SMARCB1: variants seen among roughly 807,000 people sequenced by gnomAD.
SMARCB1 encodes the protein SWI/SNF related BAF chromatin remodeling complex subunit B1.
Under a neutral mutation model 49.0 loss-of-function variants are expected in SMARCB1, and 5 were observed. The ratio of observed to expected loss-of-function variants is 0.10; its 90% CI spans 0.05 to 0.21. The LOEUF (loss-of-function observed/expected upper bound fraction) is 0.21, where lower values mean the gene tolerates loss of function less well. SMARCB1 is among the 10% of genes least tolerant of loss of function. SMARCB1 has a pLI of 1.00. For synonymous variants in SMARCB1, 201 were observed against 200.1 expected (o/e 1.00, Z -0.04); for missense variants, 226 against 509.2 (o/e 0.44, Z 5.35).
chr22:23,833,718 G>A lies in SMARCB1; in HGVS notation c.1118+15G>A, dbSNP rs1166698221. Reference sequence around the variant, plus strand: ...AGGAACACGAGGTACCCCTGGCCCTGTGGTCCTGGGCTCTGCCCACAGGCA... The same window carrying A: ...AGGAACACGAGGTACCCCTGGCCCTATGGTCCTGGGCTCTGCCCACAGGCA... On this transcript the variant is annotated intron_variant, in intron 8 of 8. Coordinates refer to ENST00000644036, the MANE Select transcript of SMARCB1 (RefSeq NM_003073.5). 3 of 1,613,774 alleles carry A rather than the reference G, an allele frequency of 1.9e-6. No individual in the cohort carries two copies. The highest frequency in any genetic ancestry group is 2.5e-6 in the Non-Finnish European group (3 of 1,180,006).
intron 7 of SMARCB1, among the ~76,000 whole-genome samples, chr22:23,831,081 T>C (rs2030632903): frequency 6.6e-6 from 1 of 152,134 alleles, no homozygotes; most frequent in Non-Finnish European, 1.5e-5. Context: ...CTCCATTGAG[T>C]GGACTTGGCA....
At position 23,834,748 on chromosome 22, in the gene SMARCB1, G is replaced by T; in HGVS notation, c.*568G>T. 1 of 1,492,990 alleles carries T rather than the reference G, an allele frequency of 6.7e-7. No individual in the cohort carries two copies. Among genetic ancestry groups the T allele is most frequent in the East Asian group, 2.3e-5 (1 of 43,118 alleles). 92.5% of individuals were successfully genotyped at this position (1,492,990 alleles called of 1,614,324 possible). ...TCTCCTTCCAGACCCAGAGAGCTGAGAAGAGTAGCTGTGAGGCTCAGGGCA... is the reference window on the plus strand; with the variant it reads ...TCTCCTTCCAGACCCAGAGAGCTGATAAGAGTAGCTGTGAGGCTCAGGGCA... On this transcript the variant is annotated 3_prime_UTR_variant, in exon 9 of 9. Coordinates refer to ENST00000644036, the MANE Select transcript of SMARCB1 (RefSeq NM_003073.5).
At chr22:23,787,355 CGGGGCGGGCGGGCGCGCGCG>C in intron 1 of SMARCB1, 93 bp downstream of exon 1, 2 of 585,864 alleles carry the variant, frequency 3.4e-6, no homozygotes, top group Non-Finnish European at 5.2e-6. Context: ...CTCCATTCAT[CGGGGCGGGCGGGCGCGCGCG>C]CGCGCGCTCG....
At chr22:23,812,565 C>G (rs144110062) in intron 5 of SMARCB1, among the ~76,000 whole-genome samples, 175 of 152,154 alleles carry the variant, frequency 1.2e-3, no homozygotes, top group Non-Finnish European at 1.6e-3. Flanking sequence ...ACTAAAGATG[C>G]AAAATCCTTA....
rs115225289 is a variant in SMARCB1, at chr22:23,798,306, G to A, written c.363-2638G>A. Among the ~76,000 whole-genome samples the A allele has an allele frequency of 7.6e-3, 1,153 of 152,320 alleles. 25 individuals are homozygous for A. Among genetic ancestry groups the A allele is most frequent in the African/African-American group, 0.025 (1,053 of 41,566 alleles). On this transcript the variant is annotated intron_variant, in intron 3 of 8. Coordinates refer to ENST00000644036, the MANE Select transcript of SMARCB1 (RefSeq NM_003073.5). Reference sequence around the variant, plus strand: ...GGTTTGGGTGTTGTAGCTCACACCTGTACTCTCAGCACTTTGGGAGGCCAA... The same window carrying A: ...GGTTTGGGTGTTGTAGCTCACACCTATACTCTCAGCACTTTGGGAGGCCAA...
intron 3 of SMARCB1, 72 bp from the exon 4 acceptor site, chr22:23,800,872 C>A: frequency 8.8e-7 from 1 of 1,139,962 alleles, no homozygotes; most frequent in Non-Finnish European, 1.3e-6. Context: ...ATCCCTGGAG[C>A]ATTAGTTGAT....
In SMARCB1 at chr22:23,800,654, C is replaced by A. The variant is rs556210801; in HGVS notation, c.363-290C>A. Among the ~76,000 whole-genome samples the A allele has an allele frequency of 2.9e-4, 44 of 152,292 alleles. No homozygotes were observed. In the South Asian group the frequency reaches 8.9e-3, roughly 31 times the overall value. On this transcript the variant is annotated intron_variant, in intron 3 of 8. Transcript: ENST00000644036. ...GGGAAGTCTCCCCCTTGTACCACTT[C>A]CCCGCATCCAGGAAGTGCTTCCGTG...
chr22:23,808,695 ATTCT>A (rs1929674287), intron 5 of SMARCB1, among the ~76,000 whole-genome samples: 1 of 148,210 alleles, frequency 6.7e-6, no homozygotes, highest in Non-Finnish European at 1.5e-5. Flanking sequence ...GATATTGGAC[ATTCT>A]TTTTTTTTTT....
chr22:23,789,359 G>A (rs541437347), intron 1 of SMARCB1, among the ~76,000 whole-genome samples: 2 of 152,196 alleles, frequency 1.3e-5, no homozygotes, highest in African/African-American at 4.8e-5. Context: ...GATACTAGGC[G>A]AGTTGTTTAC....
In SMARCB1 at chr22:23,836,745, C is replaced by T; in HGVS notation, c.*2565C>T. ...GTGGGCCAAGAGACTGCAGCTCATTCTGTTTATTCAGGTGGGCCCTTGCAT... is the reference window on the plus strand; with the variant it reads ...GTGGGCCAAGAGACTGCAGCTCATTTTGTTTATTCAGGTGGGCCCTTGCAT... On this transcript the variant is annotated 3_prime_UTR_variant, in exon 9 of 9. Coordinates refer to ENST00000644036, the MANE Select transcript of SMARCB1 (RefSeq NM_003073.5). 1 of 1,372,176 alleles carries T rather than the reference C, an allele frequency of 7.3e-7. No homozygotes were observed. The highest frequency in any genetic ancestry group is 2.9e-5 in the East Asian group (1 of 34,572). The allele number at this position is 1,372,176 out of a possible 1,614,324, so 85.0% of individuals were successfully genotyped here.
intron 3 of SMARCB1, among the ~76,000 whole-genome samples, chr22:23,800,159 G>C (rs1929052510): frequency 6.6e-6 from 1 of 152,212 alleles, no homozygotes; most frequent in Non-Finnish European, 1.5e-5. Flanking sequence ...CAGGTGGTCT[G>C]CCCATCTTGA....
intron 1 of SMARCB1, among the ~76,000 whole-genome samples, chr22:23,788,509 G>A (rs968591890): frequency 1.3e-5 from 2 of 151,526 alleles, no homozygotes; most frequent in South Asian, 2.1e-4. Context: ...GGGCTCAAGC[G>A]ATCCTCCTGC....
At chr22:23,789,954 G>A (rs1424550062) in intron 1 of SMARCB1, among the ~76,000 whole-genome samples, 1 of 152,192 alleles carries the variant, frequency 6.6e-6, no homozygotes, top group Non-Finnish European at 1.5e-5. Context: ...CTAAGAGTGT[G>A]TGTCACTGTT....
In SMARCB1 at chr22:23,834,206, C is replaced by T. The variant is rs932347769; in HGVS notation, c.*26C>T. 2.2e-5 allele frequency: 34 copies of T among 1,573,528 alleles called. No homozygotes were observed. Among genetic ancestry groups the T allele is most frequent in the East Asian group, 9.4e-5 (4 of 42,356 alleles). On this transcript the variant is annotated 3_prime_UTR_variant, in exon 9 of 9. Coordinates refer to ENST00000644036, the MANE Select transcript of SMARCB1 (RefSeq NM_003073.5). ...CCAGCCCATCAGCACACGGCTCCCA[C>T]GGAGCATCTCAGAAGATTGGGCCGC...
chr22:23,798,923 G>T (rs8136341), intron 3 of SMARCB1, among the ~76,000 whole-genome samples: 2 of 152,004 alleles, frequency 1.3e-5, no homozygotes, highest in East Asian at 1.9e-4. Context: ...GGTGGTGGGC[G>T]CCTGTAGTCC....
Position 23,810,962 on chromosome 22 carries a change from G to A in SMARCB1, c.629-5808G>A, listed in dbSNP as rs373384643. Among the ~76,000 whole-genome samples, 17 of 151,662 alleles carry A rather than the reference G, an allele frequency of 1.1e-4. No homozygotes were observed. In the East Asian group the frequency reaches 2.5e-3, roughly 23 times the overall value. Reference sequence around the variant, plus strand: ...GTGGCAGGGATAATTGCTTGAACCCGGGAGGTGGAGGTTGTGTTGAGCTGA... The same window carrying A: ...GTGGCAGGGATAATTGCTTGAACCCAGGAGGTGGAGGTTGTGTTGAGCTGA... On this transcript the variant is annotated intron_variant, in intron 5 of 8. Transcript: ENST00000644036.
At chr22:23,821,057 A>C (rs1262793798) in intron 6 of SMARCB1, among the ~76,000 whole-genome samples, 1 of 152,178 alleles carries the variant, frequency 6.6e-6, no homozygotes, top group Non-Finnish European at 1.5e-5. Context: ...GCCATACAGG[A>C]AGTTGCCCAG....
chr22:23,810,445 T>G (rs1929796454), intron 5 of SMARCB1, among the ~76,000 whole-genome samples: 1 of 143,592 alleles, frequency 7.0e-6, no homozygotes, highest in South Asian at 2.2e-4. Flanking sequence ...GAAGAGTCAC[T>G]TGAACCTGGG....
chr22:23,808,642 T>A (rs1601411756), intron 5 of SMARCB1, among the ~76,000 whole-genome samples: 1 of 151,694 alleles, frequency 6.6e-6, no homozygotes, highest in Admixed American at 6.6e-5. Context: ...GAACTGTTAA[T>A]CTAGAATCCT....
Sources: gnomAD v4.1 joint callset for allele counts (sites outside exome capture counted in the v4.1 genomes callset) on GRCh38, gnomAD v4.1.1 for gene constraint, MANE v1.5 for transcripts, NCBI Gene and HGNC (gene_info 2026-07-23, HGNC 2026-07-21) for gene names.